SPATS2L: variants seen among roughly 807,000 people sequenced by gnomAD.
SPATS2L encodes SPATS2-like protein.
In SPATS2L, 30 loss-of-function variants were observed where a neutral mutation model predicts 59.6. The ratio of observed to expected loss-of-function variants is 0.50; its 90% CI spans 0.38 to 0.68. The LOEUF (loss-of-function observed/expected upper bound fraction) is 0.68. SPATS2L is among the 30% of genes least tolerant of loss of function. The pLI is 0.00. For synonymous variants in SPATS2L, 252 were observed against 263.5 expected (o/e 0.96, Z 0.42); for missense variants, 615 against 700.0 (o/e 0.88, Z 1.37).
chr2:200,307,578 GGGACCCCGGAGTCCGCGGGCTGC>G (rs1004744916), intron 1 of SPATS2L, among the ~76,000 whole-genome samples: 15 of 152,216 alleles, frequency 9.9e-5, no homozygotes, highest in Admixed American at 2.6e-4. Flanking sequence ...TTTGGGCGGG[GGGACCCCGGAGTCCGCGGGCTGC>G]GGACCCCAGC....
At chr2:200,369,154 T>TTTTA (rs2081350865) in intron 2 of SPATS2L, among the ~76,000 whole-genome samples, 1 of 151,754 alleles carries the variant, frequency 6.6e-6, no homozygotes, top group Non-Finnish European at 1.5e-5. Flanking sequence ...CATTCATTTA[T>TTTTA]TTTATTTATT....
chr2:200,429,535 G>A (rs1002997904), intron 6 of SPATS2L, among the ~76,000 whole-genome samples: 1 of 152,194 alleles, frequency 6.6e-6, no homozygotes. Context: ...CATTGCCAGA[G>A]GGTGTAGATG....
chr2:200,306,983 G>A, intron 1 of SPATS2L, 61 bp downstream of exon 1: 3 of 982,188 alleles, frequency 3.1e-6, no homozygotes, highest in Non-Finnish European at 3.6e-6. Context: ...GGCGGACGCG[G>A]AGGGGCCTGC....
At chr2:200,438,386 G>GAT (rs2084450917) in intron 6 of SPATS2L, among the ~76,000 whole-genome samples, 1 of 152,138 alleles carries the variant, frequency 6.6e-6, no homozygotes. Flanking sequence ...TGTTAAGAGT[G>GAT]ATACATTTCC....
chr2:200,449,381 T>C (rs2085287782), intron 8 of SPATS2L, among the ~76,000 whole-genome samples: 2 of 152,242 alleles, frequency 1.3e-5, no homozygotes, highest in South Asian at 2.1e-4. Context: ...ATTACCTCCA[T>C]ACGTTATGTC....
chr2:200,325,402 A>G lies in SPATS2L; in HGVS notation c.-72-4029A>G, dbSNP rs552311149. Reference sequence around the variant, plus strand: ...TTTTTATTTATTTATTTTTTTAGACAGAGTCTCACTCTGTTACCTAGGCTG... The same window carrying G: ...TTTTTATTTATTTATTTTTTTAGACGGAGTCTCACTCTGTTACCTAGGCTG... On this transcript the variant is annotated intron_variant, in intron 1 of 12. Transcript: ENST00000409140. Among the ~76,000 whole-genome samples, 87 of 152,216 alleles carry G rather than the reference A, an allele frequency of 5.7e-4. 1 individual carries two copies. The highest frequency in any genetic ancestry group is 2.1e-3 in the African/African-American group (86 of 41,546).
At chr2:200,474,631 A>T (rs1197461040) in intron 12 of SPATS2L, among the ~76,000 whole-genome samples, 1 of 152,164 alleles carries the variant, frequency 6.6e-6, no homozygotes, top group Non-Finnish European at 1.5e-5. Context: ...TACCATGCTG[A>T]TAATTAAGTC....
intron 3 of SPATS2L, among the ~76,000 whole-genome samples, chr2:200,406,409 TAAA>T (rs61166425): frequency 7.6e-6 from 1 of 131,214 alleles, no homozygotes. Context: ...AGCACAAGTT[TAAA>T]AAAAAAAAAA....
intron 1 of SPATS2L, among the ~76,000 whole-genome samples, chr2:200,322,549 A>G (rs191666253): frequency 6.6e-6 from 1 of 152,346 alleles, no homozygotes; most frequent in Non-Finnish European, 1.5e-5. Context: ...CCCTCAAAGA[A>G]TTATTTGGTG....
At chr2:200,374,990 C>T (rs540124161) in intron 2 of SPATS2L, among the ~76,000 whole-genome samples, 2 of 152,280 alleles carry the variant, frequency 1.3e-5, no homozygotes, top group African/African-American at 4.8e-5. Context: ...TGCTTGTACA[C>T]CATTGGAAGC....
At chr2:200,408,059 A>T (rs986812133) in intron 3 of SPATS2L, among the ~76,000 whole-genome samples, 1 of 152,196 alleles carries the variant, frequency 6.6e-6, no homozygotes, top group East Asian at 1.9e-4. Context: ...CTGGAGCTAT[A>T]AAGGAAAAGG....
rs10439329 is a variant in SPATS2L at position 200,466,942 on chromosome 2, G to A, written c.848-348G>A. 9.5e-3 allele frequency among the ~76,000 whole-genome samples: 1,454 copies of A among 152,300 alleles called. 16 individuals carry two copies. The highest frequency in any genetic ancestry group is 0.032 in the African/African-American group (1,331 of 41,558). ...TGTCTTGGCGGTATCACTCAGAGAG[G>A]ATTTTAATAAGTGTTGTTTTTCAGA... is the stretch of plus-strand genomic sequence containing the variant. On this transcript the variant is annotated intron_variant, in intron 9 of 12. Transcript: ENST00000409140.
chr2:200,356,488 A>G (rs1240181071), intron 2 of SPATS2L, among the ~76,000 whole-genome samples: 5 of 152,258 alleles, frequency 3.3e-5, no homozygotes, highest in Admixed American at 3.3e-4. Flanking sequence ...TTAGCTTAGA[A>G]GGAGGGAAAA....
chr2:200,474,538 A>G (rs1231338489), intron 12 of SPATS2L, among the ~76,000 whole-genome samples: 4 of 152,052 alleles, frequency 2.6e-5, no homozygotes. Flanking sequence ...CCTGGGCTCA[A>G]GCGATCCACC....
In SPATS2L at chr2:200,477,947, A is replaced by C. The variant is rs757320568; in HGVS notation, c.1593A>C (p.Ser531=). The C allele has an allele frequency of 1.2e-5, 20 of 1,611,430 alleles. No individual in the cohort carries two copies. In the East Asian group the frequency reaches 4.5e-4, roughly 36 times the overall value. ...TCCGGGGTAGTGTCGGTAGGGTTTC[A>C]CAGTGCAATCTCTGCCCCACGAGAA... ...RPFRGSVGRV[S]QCNLCPTRIE... is the part of the protein sequence containing the mutation. Residue 531 remains serine (S), a synonymous_variant, in exon 13 of 13, where the codon TCA becomes TCC. Transcript: ENST00000409140.
At chr2:200,353,758 A>G (rs766490194) in intron 2 of SPATS2L, among the ~76,000 whole-genome samples, 2 of 152,340 alleles carry the variant, frequency 1.3e-5, no homozygotes, top group African/African-American at 2.4e-5. Context: ...TACTGAAGCA[A>G]TGACTTCTAC....
chr2:200,396,253 G>A (rs928506009), intron 3 of SPATS2L, among the ~76,000 whole-genome samples: 1 of 151,574 alleles, frequency 6.6e-6, no homozygotes, highest in African/African-American at 2.4e-5. Flanking sequence ...TCGCTGAGCT[G>A]CGCCACTCAC....
At chr2:200,306,013 T>C (rs1445992966), upstream of SPATS2L, 2 of 984,902 alleles carry the variant, frequency 2.0e-6, no homozygotes, top group Non-Finnish European at 2.4e-6. Context: ...AAGCCCACGA[T>C]GCCCATGTGT....
intron 9 of SPATS2L, among the ~76,000 whole-genome samples, chr2:200,460,370 A>T (rs961039303): frequency 3.3e-5 from 5 of 152,316 alleles, no homozygotes; most frequent in African/African-American, 1.2e-4. Flanking sequence ...GATTTGTCTT[A>T]AGCACTTCAG....
Sources: allele counts gnomAD v4.1 joint callset (sites outside exome capture counted in the v4.1 genomes callset), GRCh38; gene constraint gnomAD v4.1.1; transcripts MANE v1.5; gene names NCBI Gene and HGNC (gene_info 2026-07-23, HGNC 2026-07-21).